The following MET variants were observed in gnomAD, a reference collection of about 807,000 sequenced individuals.
The protein encoded by MET is hepatocyte growth factor receptor.
A neutral mutation model predicts 133.1 loss-of-function variants in MET; 48 were observed. The ratio of observed to expected loss-of-function variants is 0.36; its 90% CI spans 0.29 to 0.46. The LOEUF (loss-of-function observed/expected upper bound fraction) is 0.46, where lower values mean the gene tolerates loss of function less well. MET is among the 20% of genes least tolerant of loss of function. MET has a pLI of 1.00. For missense variants in MET, 1,442 were observed against 1,695.9 expected (o/e 0.85, Z 2.63); for synonymous variants, 628 against 616.5 (o/e 1.02, Z -0.28).
chr7:116,778,720 C>T (rs762010930), intron 16 of MET, 56 bp from the exon 17 acceptor site: 119 of 1,580,148 alleles, frequency 7.5e-5, no homozygotes, highest in Non-Finnish European at 9.6e-5. Flanking sequence ...CTAAATTTGA[C>T]AAAAGTATTC....
intron 5 of MET, among the ~76,000 whole-genome samples, chr7:116,753,736 G>A (rs746798601): frequency 1.3e-5 from 2 of 152,162 alleles, no homozygotes; most frequent in African/African-American, 2.4e-5. Context: ...CATAACACAT[G>A]TATTAAATAT....
intron 2 of MET, among the ~76,000 whole-genome samples, chr7:116,702,234 A>G (rs1485296990): frequency 1.3e-5 from 2 of 152,186 alleles, no homozygotes; most frequent in Non-Finnish European, 2.9e-5. Flanking sequence ...GGGAAACAAG[A>G]TGGAACTTGC....
intron 1 of MET, among the ~76,000 whole-genome samples, chr7:116,697,515 G>A (rs1322084786): frequency 6.6e-6 from 1 of 152,108 alleles, no homozygotes; most frequent in Admixed American, 6.6e-5. Flanking sequence ...ACTATTAGTA[G>A]GGTAAAATTA....
chr7:116,771,355 A>G, intron 12 of MET, 143 bp from the exon 13 acceptor site: 1 of 879,774 alleles, frequency 1.1e-6, no homozygotes, highest in South Asian at 1.4e-5. Context: ...TAATTGAGGA[A>G]TCTCTTATTA....
At chr7:116,785,319 G>A (rs910120814) in intron 19 of MET, among the ~76,000 whole-genome samples, 2 of 152,192 alleles carry the variant, frequency 1.3e-5, no homozygotes, top group African/African-American at 4.8e-5. Context: ...CAAAGCCCCA[G>A]CACTAAGGGG....
intron 1 of MET, among the ~76,000 whole-genome samples, chr7:116,692,858 G>T (rs1796822598): frequency 6.6e-6 from 1 of 152,194 alleles, no homozygotes; most frequent in Admixed American, 6.6e-5. Flanking sequence ...GAATGAATTA[G>T]TCAGTCTGTT....
intron 5 of MET, among the ~76,000 whole-genome samples, chr7:116,744,800 G>A (rs573757917): frequency 6.6e-6 from 1 of 152,218 alleles, no homozygotes; most frequent in East Asian, 1.9e-4. Context: ...GAAAAGTCGG[G>A]TTACCCACAA....
intron 15 of MET, among the ~76,000 whole-genome samples, chr7:116,776,369 G>A (rs17526983): frequency 0.035 from 5,320 of 152,198 alleles, 120 homozygotes; most frequent in Non-Finnish European, 0.054. Flanking sequence ...TTCTGTCATA[G>A]GCCTATAAAT....
At chr7:116,750,452 A>G (rs1793872884) in intron 5 of MET, among the ~76,000 whole-genome samples, 1 of 152,242 alleles carries the variant, frequency 6.6e-6, no homozygotes, top group Non-Finnish European at 1.5e-5. Flanking sequence ...TAAAGACTTA[A>G]ACGCAAGACC....
intron 19 of MET, among the ~76,000 whole-genome samples, chr7:116,794,074 CTAT>C (rs1795599348): frequency 6.6e-6 from 1 of 152,056 alleles, no homozygotes. Flanking sequence ...CAGTACCCTA[CTAT>C]TATCTCTTTG....
At chr7:116,792,263 A>G (rs1795524732) in intron 19 of MET, among the ~76,000 whole-genome samples, 1 of 152,076 alleles carries the variant, frequency 6.6e-6, no homozygotes, top group Non-Finnish European at 1.5e-5. Flanking sequence ...CATCACCTTC[A>G]GTAAAGTTAG....
Position 116,797,783 on chromosome 7 carries a change from C to T in MET, c.*1659C>T. 4.4e-6 allele frequency: 1 copy of T among 226,498 alleles called. No homozygotes were observed. 14.0% of individuals were successfully genotyped at this position (226,498 alleles called of 1,614,324 possible). ...TGCGATAAGGAAATGTACTGATTGC[C>T]AATACACCCCACCCTCATTACATCA... On this transcript the variant is annotated 3_prime_UTR_variant, in exon 21 of 21. Coordinates refer to ENST00000397752, the MANE Select transcript of MET (RefSeq NM_000245.4).
rs777336138 is a variant in MET, at chr7:116,699,238, A to G, written c.154A>G (p.Ile52Val). 6 of 1,614,006 alleles carry G rather than the reference A, an allele frequency of 3.7e-6. No homozygotes were observed. The South Asian group carries it at 4.4e-5, about 12-fold the overall frequency. The change falls in exon 2 of 21, where the codon ATC (isoleucine) becomes GTC (valine). Residue 52 changes from isoleucine (I) to valine (V), a missense_variant. This residue lies in a region of MET where 762 missense variants were observed against 792.4 expected (regional missense o/e 0.96). Coordinates refer to ENST00000397752, the MANE Select transcript of MET (RefSeq NM_000245.4). The stretch of plus-strand genomic sequence containing the variant: ...TCCCAACTTCACCGCGGAAACACCC[A>G]TCCAGAATGTCATTCTACATGAGCA... ...QLPNFTAETP[I>V]QNVILHEHHI...
At chr7:116,760,431 C>G (rs1438198866) in intron 10 of MET, among the ~76,000 whole-genome samples, 2 of 152,022 alleles carry the variant, frequency 1.3e-5, no homozygotes, top group Non-Finnish European at 2.9e-5. Context: ...TAGTTTAGAC[C>G]TTAGAAAGCT....
intron 2 of MET, among the ~76,000 whole-genome samples, chr7:116,712,807 T>C (rs1053136956): frequency 6.6e-6 from 1 of 151,518 alleles, no homozygotes; most frequent in African/African-American, 2.4e-5. Flanking sequence ...GGAGGGTGAA[T>C]AGATAGGAAT....
intron 5 of MET, among the ~76,000 whole-genome samples, chr7:116,752,692 T>C (rs994165900): frequency 2.0e-5 from 3 of 152,242 alleles, no homozygotes; most frequent in South Asian, 4.1e-4. Context: ...CTATTGCCAG[T>C]GCCCCAGTTG....
rs1162540199 is a variant in MET, at chr7:116,699,895, G to A, written c.811G>A (p.Ala271Thr). The A allele has an allele frequency of 1.7e-5, 28 of 1,614,122 alleles. No homozygotes were observed. Among genetic ancestry groups the A allele is most frequent in the Non-Finnish European group, 2.4e-5 (28 of 1,179,992 alleles). Residue 271 changes from alanine to threonine, a missense_variant, in exon 2 of 21, where the codon GCT (alanine) becomes ACT (threonine). Transcript: ENST00000397752. The stretch of plus-strand genomic sequence containing the variant: ...GACGGTCCAAAGGGAAACTCTAGAT[G>A]CTCAGACTTTTCACACAAGAATAAT... ...FLTVQRETLD[A>T]QTFHTRIIRF...
In MET at chr7:116,699,873, G is replaced by A. The variant is rs554190225; in HGVS notation, c.789G>A (p.Thr263=). The A allele has an allele frequency of 9.1e-5, 147 of 1,613,976 alleles. No homozygotes were observed. The South Asian group carries it at 1.4e-3, about 16-fold the overall frequency. ...GCAACAATTTTATTTACTTCTTGAC[G>A]GTCCAAAGGGAAACTCTAGATGCTC... ...FESNNFIYFL[T]VQRETLDAQT... is the part of the protein sequence containing the mutation. The change falls in exon 2 of 21, where the codon ACG becomes ACA. Residue 263 remains threonine, a synonymous_variant. Transcript: ENST00000397752.
chr7:116,712,407 G>A (rs945616058), intron 2 of MET, among the ~76,000 whole-genome samples: 5 of 152,086 alleles, frequency 3.3e-5, no homozygotes, highest in African/African-American at 9.7e-5. Flanking sequence ...GCCCCCTGAG[G>A]GGATGAACTA....
Sources: allele counts gnomAD v4.1 joint callset (sites outside exome capture counted in the v4.1 genomes callset), GRCh38; gene constraint gnomAD v4.1.1; regional missense constraint gnomAD v4.1.1; transcripts MANE v1.5; gene names NCBI Gene and HGNC (gene_info 2026-07-23, HGNC 2026-07-21).